Variants in ARID1B observed in about 807,000 individuals in gnomAD.
ARID1B encodes the protein AT-rich interactive domain-containing protein 1B.
A neutral mutation model predicts 212.3 loss-of-function variants in ARID1B; 30 were observed. The observed-to-expected ratio is 0.14, with a 90% CI of 0.11 to 0.19. The LOEUF (loss-of-function observed/expected upper bound fraction) is 0.19. Among genes scored for constraint, ARID1B ranks in the 10% least tolerant of loss-of-function variants. The pLI is 1.00. For synonymous variants in ARID1B, 1,402 were observed against 1,301.7 expected (o/e 1.08, Z -1.66); for missense variants, 2,891 against 3,204.0 (o/e 0.90, Z 2.36).
rs569732213 is a variant in ARID1B at position 156,906,312 on chromosome 6, C to T, written c.2136+4787C>T. On this transcript the variant is annotated intron_variant, in intron 3 of 19. Transcript: ENST00000636930. ...CCTGTAATCCCAGCACTTTGGGAGG[C>T]CGAGGTGGGTGGATCACCTGAGGTC... Among the ~76,000 whole-genome samples the T allele has an allele frequency of 2.2e-3, 340 of 151,826 alleles. 1 individual carries two copies. The highest frequency in any genetic ancestry group is 4.0e-3 in the Non-Finnish European group (269 of 67,946).
rs532754736 is a variant in ARID1B at position 157,176,967 on chromosome 6, T to A, written c.3504+1962T>A. On this transcript the variant is annotated intron_variant, in intron 11 of 19. Coordinates refer to ENST00000636930, the MANE Select transcript of ARID1B (RefSeq NM_001374828.1). ...GACTTATAAAGAAGGCTTGAGATAG[T>A]CACAATATTTTAATTCACTAGTTAA... 6.6e-5 allele frequency among the ~76,000 whole-genome samples: 10 copies of A among 152,364 alleles called. No homozygotes were observed. In the East Asian group the frequency reaches 1.3e-3, roughly 21 times the overall value.
chr6:157,004,890 C>CTTTTTTTTTTTTTTTTTTT (rs1779118895), intron 4 of ARID1B, among the ~76,000 whole-genome samples: 1 of 35,688 alleles, frequency 2.8e-5, no homozygotes, highest in African/African-American at 6.5e-5. Flanking sequence ...TTTTCTTCTT[C>CTTTTTTTTTTTTTTTTTTT]TTTTTTCTTT....
intron 2 of ARID1B, among the ~76,000 whole-genome samples, chr6:156,899,002 T>G (rs1788711658): frequency 6.6e-6 from 1 of 152,162 alleles, no homozygotes; most frequent in East Asian, 1.9e-4. Flanking sequence ...AGACTTTAGC[T>G]TCAGTCAGCT....
At position 156,784,213 on chromosome 6, in the gene ARID1B, T is replaced by C. The variant is rs997267081; in HGVS notation, c.1791+4742T>C. On this transcript the variant is annotated intron_variant, in intron 1 of 19. Transcript: ENST00000636930. ...ATGGGAGGGAGGTTTTTGCAGGTTC[T>C]CTGTGGATATGTAAAGTAGTGCCGC... Among the ~76,000 whole-genome samples, 84 of 152,132 alleles carry C rather than the reference T, an allele frequency of 5.5e-4. 4 individuals carry two copies. The highest frequency in any genetic ancestry group is 1.5e-5 in the Non-Finnish European group (1 of 68,030).
At chr6:156,822,269 A>G (rs1344733723) in intron 1 of ARID1B, among the ~76,000 whole-genome samples, 1 of 152,268 alleles carries the variant, frequency 6.6e-6, no homozygotes, top group Admixed American at 6.5e-5. Context: ...CGAAGTTCCA[A>G]CGTGTTAGTT....
At chr6:156,954,652 G>A (rs536765907) in intron 4 of ARID1B, among the ~76,000 whole-genome samples, 3 of 151,960 alleles carry the variant, frequency 2.0e-5, no homozygotes, top group South Asian at 2.1e-4. Context: ...ACATTAGCTC[G>A]AACTGTTTTT....
intron 2 of ARID1B, among the ~76,000 whole-genome samples, chr6:156,834,453 T>C (rs1010624589): frequency 2.6e-5 from 4 of 152,336 alleles, no homozygotes; most frequent in Admixed American, 2.6e-4. Context: ...TGTGCACATG[T>C]ACGCTCCCAC....
intron 6 of ARID1B, among the ~76,000 whole-genome samples, chr6:157,130,224 A>T (rs1788452744): frequency 6.6e-6 from 1 of 152,160 alleles, no homozygotes; most frequent in Admixed American, 6.5e-5. Context: ...TTTGGCATGG[A>T]CACCTTCATG....
chr6:157,022,652 G>A (rs1780392128), intron 4 of ARID1B: 2 of 152,208 alleles, frequency 1.3e-5, no homozygotes, highest in East Asian at 1.9e-4. Flanking sequence ...AGCAATCAGC[G>A]ACGGCCACTT....
At chr6:157,137,948 C>T (rs1479607831) in intron 7 of ARID1B, among the ~76,000 whole-genome samples, 3 of 152,072 alleles carry the variant, frequency 2.0e-5, no homozygotes, top group Admixed American at 6.6e-5. Flanking sequence ...AGAAATTTTC[C>T]TTTTCCCTTC....
At position 157,112,025 on chromosome 6, in the gene ARID1B, T is replaced by C. The variant is rs145230655; in HGVS notation, c.2581+1464T>C. On this transcript the variant is annotated intron_variant, in intron 6 of 19. Coordinates refer to ENST00000636930, the MANE Select transcript of ARID1B (RefSeq NM_001374828.1). ...CCATACCTTGAGAACCACTGCCTTC[T>C]AATAGTACAATAATAGGTTTTTGAG... is the stretch of plus-strand genomic sequence containing the variant. Among the ~76,000 whole-genome samples, 50 of 152,258 alleles carry C rather than the reference T, an allele frequency of 3.3e-4. No homozygotes were observed. In the South Asian group the frequency reaches 6.4e-3, roughly 20 times the overall value.
intron 4 of ARID1B, among the ~76,000 whole-genome samples, chr6:157,039,634 C>CTTCT (rs1562568960): frequency 2.3e-4 from 28 of 123,318 alleles, no homozygotes; most frequent in Admixed American, 2.0e-3. Flanking sequence ...TCCTTCCTTC[C>CTTCT]TTCCTTCCTT....
chr6:156,905,250 G>GCACACA (rs138326649), intron 3 of ARID1B, among the ~76,000 whole-genome samples: 2,028 of 143,814 alleles, frequency 0.014, 44 homozygotes, highest in African/African-American at 0.039. Context: ...ACATATGCAC[G>GCACACA]CACACACACA....
intron 2 of ARID1B, among the ~76,000 whole-genome samples, chr6:156,844,422 G>GATTTC: frequency 6.6e-6 from 1 of 152,282 alleles, no homozygotes; most frequent in Middle Eastern, 3.4e-3. Context: ...ATTGGTATAT[G>GATTTC]ATTTCTATTA....
intron 4 of ARID1B, chr6:156,935,804 G>C (rs1163921273): frequency 2.3e-6 from 1 of 441,064 alleles, no homozygotes; most frequent in Non-Finnish European, 4.1e-6. Context: ...ACATCAGTTG[G>C]AAGGTTTTAT....
chr6:156,968,242 A>T (rs1042301906), intron 4 of ARID1B, among the ~76,000 whole-genome samples: 5 of 152,254 alleles, frequency 3.3e-5, no homozygotes, highest in African/African-American at 1.2e-4. Context: ...TTGTAAATTG[A>T]CACAAATATT....
In ARID1B at chr6:157,178,908, G is replaced by A. The variant is rs183307667; in HGVS notation, c.3505-2061G>A. The stretch of plus-strand genomic sequence containing the variant: ...CCACTCCCCAGTTTCAGTTTAGAGA[G>A]GACCAAACCAGGAACGGCAGATGGA... On this transcript the variant is annotated intron_variant, in intron 11 of 19. Coordinates refer to ENST00000636930, the MANE Select transcript of ARID1B (RefSeq NM_001374828.1). Among the ~76,000 whole-genome samples the A allele has an allele frequency of 4.7e-4, 71 of 152,286 alleles. 1 individual carries two copies. The highest frequency in any genetic ancestry group is 1.7e-3 in the South Asian group (8 of 4,822).
intron 4 of ARID1B, chr6:157,036,955 CTTA>C: frequency 2.4e-6 from 1 of 420,636 alleles, no homozygotes; most frequent in South Asian, 1.9e-5. Context: ...ACAGAGGGGA[CTTA>C]TTTTTTTTTT....
chr6:157,205,708 A>C (rs1247477097), intron 19 of ARID1B: 1 of 157,498 alleles, frequency 6.3e-6, no homozygotes, highest in East Asian at 1.9e-4. Context: ...TAAGAATAAC[A>C]ACCATAAAAA....
Sources: gnomAD v4.1 joint callset for allele counts (sites outside exome capture counted in the v4.1 genomes callset) on GRCh38, gnomAD v4.1.1 for gene constraint, MANE v1.5 for transcripts, NCBI Gene and HGNC (gene_info 2026-07-23, HGNC 2026-07-21) for gene names.